The following NUAK1 variants were observed in gnomAD, a reference collection of about 807,000 sequenced individuals.
The protein encoded by NUAK1 is NUAK family SNF1-like kinase 1.
NUAK1 carries 26 observed loss-of-function variants against 56.9 expected under a neutral mutation model. That is an observed-to-expected ratio of 0.46 (90% CI 0.33 to 0.63). The LOEUF (loss-of-function observed/expected upper bound fraction) is 0.63. Among genes scored for constraint, NUAK1 ranks in the 30% least tolerant of loss-of-function variants. NUAK1 has a pLI of 0.02. For missense variants in NUAK1, 727 were observed against 876.1 expected, an observed-to-expected ratio of 0.83 and a Z score of 2.15; for synonymous variants, 337 against 336.0, an observed-to-expected ratio of 1.00 and a Z score of -0.03.
chr12:106,134,341 C>A (rs2033107975), intron 1 of NUAK1, among the ~76,000 whole-genome samples: 1 of 152,254 alleles, frequency 6.6e-6, no homozygotes, highest in South Asian at 2.1e-4. Flanking sequence ...TTGCAGTTTT[C>A]CAGCAGGAGG....
chr12:106,067,981 C>A lies in NUAK1; in HGVS notation c.833-26G>T. ...CTAAGGGACAAGGGACAAAAAGAAT[C>A]GGGCATTATGTGGGAGCTTCTGGCT... On this transcript the variant is annotated intron_variant, in intron 6 of 6. Coordinates refer to ENST00000261402, the MANE Select transcript of NUAK1 (RefSeq NM_014840.3). This position sits in a 1 kb window ranked among gnomAD's most constrained non-coding sequence, Gnocchi z 6.0. 6.4e-7 allele frequency: 1 copy of A among 1,572,690 alleles called. No homozygotes were observed. Among genetic ancestry groups the A allele is most frequent in the East Asian group, 2.2e-5 (1 of 44,476 alleles).
intron 1 of NUAK1, among the ~76,000 whole-genome samples, chr12:106,131,527 C>A (rs1273681804): frequency 2.0e-5 from 3 of 152,160 alleles, no homozygotes; most frequent in Non-Finnish European, 4.4e-5. Context: ...TACCTCATTC[C>A]TTTTTACTGT....
chr12:106,124,260 C>A (rs925632148), intron 1 of NUAK1, among the ~76,000 whole-genome samples: 1 of 152,150 alleles, frequency 6.6e-6, no homozygotes, highest in Non-Finnish European at 1.5e-5. Context: ...ACTGTTCTTG[C>A]CTTTATAAAG....
At chr12:106,114,486 G>A (rs1055032425) in intron 1 of NUAK1, among the ~76,000 whole-genome samples, 1 of 152,218 alleles carries the variant, frequency 6.6e-6, no homozygotes, top group African/African-American at 2.4e-5. Flanking sequence ...GGCAGAGAAG[G>A]CAAATAGTAC....
chr12:106,132,703 A>G (rs56983418), intron 1 of NUAK1, among the ~76,000 whole-genome samples: 3,325 of 152,234 alleles, frequency 0.022, 122 homozygotes, highest in African/African-American at 0.076. Flanking sequence ...CAACAAACAG[A>G]CCAACAAACA....
intron 4 of NUAK1, among the ~76,000 whole-genome samples, chr12:106,075,318 C>CACACACACAGAG (rs142856878): frequency 6.8e-5 from 10 of 146,744 alleles, no homozygotes; most frequent in Non-Finnish European, 1.0e-4. Context: ...CACACACACA[C>CACACACACAGAG]AGAGAGAGAG....
chr12:106,066,924 G>A lies in NUAK1; in HGVS notation c.1864C>T (p.Pro622Ser). 6.2e-7 allele frequency: 1 copy of A among 1,614,148 alleles called. No homozygotes were observed. Among genetic ancestry groups the A allele is most frequent in the Non-Finnish European group, 8.5e-7 (1 of 1,179,992 alleles). ...DFEGLQNRPRPQYLKRYRNRL... is the reference protein window; with the variant it reads ...DFEGLQNRPRSQYLKRYRNRL... ...TTCCGGTACCGCTTCAGGTACTGGG[G>A]CCGGGGCCGGTTCTGGAGCCCCTCA... The change falls in exon 7 of 7, where the codon CCC becomes TCC. Residue 622 changes from proline to serine, a missense_variant. By Grantham distance (74) the Pro-to-Ser change is moderately conservative (BLOSUM62 -1). Coordinates refer to ENST00000261402, the MANE Select transcript of NUAK1 (RefSeq NM_014840.3).
At chr12:106,094,132 A>T (rs2032669147) in intron 2 of NUAK1, among the ~76,000 whole-genome samples, 1 of 151,920 alleles carries the variant, frequency 6.6e-6, no homozygotes, top group Non-Finnish European at 1.5e-5. Flanking sequence ...AAAAAAAAAA[A>T]GGCCTAGGGC....
intron 1 of NUAK1, among the ~76,000 whole-genome samples, chr12:106,116,524 A>G (rs2032918422): frequency 6.6e-6 from 1 of 152,210 alleles, no homozygotes; most frequent in Non-Finnish European, 1.5e-5. Context: ...TTACAAAAAC[A>G]TTATTATTTC....
intron 6 of NUAK1, among the ~76,000 whole-genome samples, chr12:106,070,060 A>T (rs1027047596): frequency 6.6e-6 from 1 of 152,166 alleles, no homozygotes; most frequent in Non-Finnish European, 1.5e-5. Context: ...GAAAAATTTT[A>T]AAAAAAGAAA....
chr12:106,131,992 A>G (rs2033082960), intron 1 of NUAK1, among the ~76,000 whole-genome samples: 1 of 152,192 alleles, frequency 6.6e-6, no homozygotes, highest in Non-Finnish European at 1.5e-5. Flanking sequence ...TTTAAAGCAG[A>G]TACTTCACAA....
intron 1 of NUAK1, among the ~76,000 whole-genome samples, chr12:106,114,773 C>G (rs576295986): frequency 1.3e-5 from 2 of 152,258 alleles, no homozygotes; most frequent in South Asian, 4.1e-4. Flanking sequence ...GCTGAAACTG[C>G]CACAAAAAAA....
intron 6 of NUAK1, among the ~76,000 whole-genome samples, chr12:106,069,111 C>T (rs887299045): frequency 7.2e-5 from 11 of 152,174 alleles, no homozygotes; most frequent in African/African-American, 2.2e-4. Context: ...ACACATACAA[C>T]CGTCTAGCCT....
intron 4 of NUAK1, among the ~76,000 whole-genome samples, chr12:106,078,904 T>C (rs1050095596): frequency 2.6e-5 from 4 of 151,864 alleles, no homozygotes; most frequent in African/African-American, 9.7e-5. Flanking sequence ...ACTTGGAGAG[T>C]CTCTCGCAGT....
intron 1 of NUAK1, among the ~76,000 whole-genome samples, chr12:106,129,361 T>A (rs1446083923): frequency 6.6e-6 from 1 of 152,240 alleles, no homozygotes; most frequent in Non-Finnish European, 1.5e-5. Context: ...AATCATTCAT[T>A]CATTCTTACT....
intron 2 of NUAK1, among the ~76,000 whole-genome samples, chr12:106,099,521 G>C (rs1052108741): frequency 1.3e-5 from 2 of 152,088 alleles, no homozygotes; most frequent in Non-Finnish European, 2.9e-5. Flanking sequence ...CTCCAGTTAG[G>C]GGTCTCTGCA....
intron 1 of NUAK1, among the ~76,000 whole-genome samples, chr12:106,135,009 G>C (rs1592865974): frequency 6.6e-6 from 1 of 152,042 alleles, no homozygotes; most frequent in East Asian, 1.9e-4. Context: ...AAAATGAGAT[G>C]AGAAAAAAAA....
At chr12:106,083,443 C>T (rs1348922772) in intron 4 of NUAK1, among the ~76,000 whole-genome samples, 1 of 152,096 alleles carries the variant, frequency 6.6e-6, no homozygotes, top group Non-Finnish European at 1.5e-5. Context: ...CCTCAGTTTC[C>T]CTATCTGTGA....
At chr12:106,101,541 G>A (rs996941648) in intron 2 of NUAK1, among the ~76,000 whole-genome samples, 2 of 152,190 alleles carry the variant, frequency 1.3e-5, no homozygotes, top group African/African-American at 2.4e-5. Context: ...GAGGTATGAA[G>A]ACACAGTTAA....
Sources: gnomAD v4.1 joint callset for allele counts (sites outside exome capture counted in the v4.1 genomes callset) on GRCh38, gnomAD v4.1.1 for gene constraint, Gnocchi (gnomAD v3.1) non-coding constraint, MANE v1.5 for transcripts, NCBI Gene and HGNC (gene_info 2026-07-23, HGNC 2026-07-21) for gene names.